The following NRXN1 variants were observed in gnomAD, a reference collection of about 807,000 sequenced individuals.
NRXN1 encodes the protein neurexin 1, also known as neurexin-1.
A neutral mutation model predicts 150.9 loss-of-function variants in NRXN1; 39 were observed. The observed-to-expected ratio is 0.26, with a 90% CI of 0.20 to 0.34. The LOEUF (loss-of-function observed/expected upper bound fraction) is 0.34, where lower values mean the gene tolerates loss of function less well. NRXN1 is among the 10% of genes least tolerant of loss of function. The pLI is 1.00. For missense variants in NRXN1, 1,815 were observed against 1,949.9 expected, an observed-to-expected ratio of 0.93 and a Z score of 1.30; for synonymous variants, 924 against 757.0, an observed-to-expected ratio of 1.22 and a Z score of -3.62.
At chr2:50,727,103 A>G (rs1697457995) in intron 5 of NRXN1, among the ~76,000 whole-genome samples, 1 of 142,838 alleles carries the variant, frequency 7.0e-6, no homozygotes, top group Non-Finnish European at 1.6e-5. Flanking sequence ...TTATAAAAAA[A>G]GGTCTTAAAA....
chr2:50,593,893 TA>T (rs1674702067), intron 8 of NRXN1, among the ~76,000 whole-genome samples: 1 of 152,216 alleles, frequency 6.6e-6, no homozygotes, highest in Non-Finnish European at 1.5e-5. Flanking sequence ...ATACCCTTGA[TA>T]CCTTAGCCTC....
At chr2:50,389,767 A>T (rs1416037527) in intron 17 of NRXN1, among the ~76,000 whole-genome samples, 1 of 152,130 alleles carries the variant, frequency 6.6e-6, no homozygotes, top group Non-Finnish European at 1.5e-5. Context: ...TTGCCAATAT[A>T]CCTATGACCA....
At chr2:50,599,468 G>T (rs1675880643) in intron 8 of NRXN1, among the ~76,000 whole-genome samples, 1 of 152,246 alleles carries the variant, frequency 6.6e-6, no homozygotes, top group East Asian at 1.9e-4. Context: ...CTCTAACAAT[G>T]CCAAATGCAG....
intron 17 of NRXN1, among the ~76,000 whole-genome samples, chr2:50,240,855 A>C (rs1165956740): frequency 1.3e-5 from 2 of 151,712 alleles, no homozygotes; most frequent in East Asian, 3.9e-4. Context: ...TAAATTTTAG[A>C]GAGAATAGGT....
intron 17 of NRXN1, among the ~76,000 whole-genome samples, chr2:50,431,189 C>A (rs2084935277): frequency 6.6e-6 from 1 of 152,178 alleles, no homozygotes; most frequent in South Asian, 2.1e-4. Context: ...TACCCACTGG[C>A]TTCTCCACTT....
intron 21 of NRXN1, among the ~76,000 whole-genome samples, chr2:50,002,830 C>G (rs1223886129): frequency 1.3e-5 from 2 of 151,972 alleles, no homozygotes; most frequent in African/African-American, 2.4e-5. Context: ...TTCTGTTGAC[C>G]TGAAAGTGTT....
At position 50,053,617 on chromosome 2, in the gene NRXN1, A is replaced by T. The variant is rs1208799185; in HGVS notation, c.3809-27T>A. The T allele has an allele frequency of 3.1e-6, 5 of 1,609,324 alleles. No individual in the cohort carries two copies. In the East Asian group the frequency reaches 1.1e-4, roughly 36 times the overall value. On this transcript the variant is annotated intron_variant, in intron 20 of 22. Coordinates refer to ENST00000401669, the MANE Select transcript of NRXN1 (RefSeq NM_001330078.2). ...TGTAAAAATAATATTACATACATGC[A>T]AAAATGTTGATTGTGAACTCTATAT... is the stretch of plus-strand genomic sequence containing the variant.
At chr2:50,459,897 C>T (rs2087984988) in intron 17 of NRXN1, among the ~76,000 whole-genome samples, 1 of 152,054 alleles carries the variant, frequency 6.6e-6, no homozygotes, top group African/African-American at 2.4e-5. Flanking sequence ...CTGATTAAGG[C>T]AGTATCCCCA....
At chr2:50,640,418 T>C (rs1287682583) in intron 5 of NRXN1, among the ~76,000 whole-genome samples, 1 of 152,180 alleles carries the variant, frequency 6.6e-6, no homozygotes, top group Non-Finnish European at 1.5e-5. Context: ...TAAATTTGCA[T>C]ACTGCTTATG....
At chr2:50,636,931 TAA>T (rs1236517606) in intron 5 of NRXN1, among the ~76,000 whole-genome samples, 1 of 152,182 alleles carries the variant, frequency 6.6e-6, no homozygotes, top group Non-Finnish European at 1.5e-5. Flanking sequence ...TTATATACTA[TAA>T]GTCTTAATTT....
At chr2:50,558,825 CGAGGAGGGCGGATCATG>C (rs1467718482) in intron 8 of NRXN1, among the ~76,000 whole-genome samples, 2 of 152,028 alleles carry the variant, frequency 1.3e-5, no homozygotes, top group Non-Finnish European at 2.9e-5. Flanking sequence ...TTTGGGAGGC[CGAGGAGGGCGGATCATG>C]GAGGAGGGCG....
intron 17 of NRXN1, among the ~76,000 whole-genome samples, chr2:50,269,838 G>A (rs940475259): frequency 6.6e-6 from 1 of 152,106 alleles, no homozygotes; most frequent in Non-Finnish European, 1.5e-5. Flanking sequence ...AGGCGGAAAG[G>A]TCTAATTTGG....
chr2:50,120,588 C>T (rs1558920238), intron 18 of NRXN1, among the ~76,000 whole-genome samples: 2 of 152,066 alleles, frequency 1.3e-5, no homozygotes, highest in Admixed American at 6.6e-5. Flanking sequence ...AACATCCATT[C>T]CCACAGTCTT....
chr2:50,271,111 T>C (rs558065813), intron 17 of NRXN1, among the ~76,000 whole-genome samples: 12 of 152,262 alleles, frequency 7.9e-5, no homozygotes, highest in South Asian at 2.1e-4. Flanking sequence ...ATAAGTAATA[T>C]AGTAAAGTAG....
chr2:50,080,089 G>T (rs1434942986), intron 19 of NRXN1, among the ~76,000 whole-genome samples: 1 of 151,968 alleles, frequency 6.6e-6, no homozygotes, highest in South Asian at 2.1e-4. Flanking sequence ...GAATCATCCC[G>T]TTTTCTAGTG....
rs1316002143 is a variant in NRXN1, at chr2:50,818,445, GTTTAA to G, written c.832+103419_832+103423del. On this transcript the variant is annotated intron_variant, in intron 5 of 22. Coordinates refer to ENST00000401669, the MANE Select transcript of NRXN1 (RefSeq NM_001330078.2). ...TTTGTTGATATTATAAATAAAATTG[GTTTAA>G]TTTTTTATTTTTTTATTGTATATAT... Among the ~76,000 whole-genome samples the G allele has an allele frequency of 3.3e-5, 5 of 151,562 alleles. 1 individual carries two copies. Among genetic ancestry groups the G allele is most frequent in the Admixed American group, 3.3e-4 (5 of 15,170 alleles).
intron 21 of NRXN1, 65 bp downstream of exon 21, chr2:50,053,206 G>A (rs915814315): frequency 2.0e-6 from 3 of 1,534,202 alleles, no homozygotes; most frequent in African/African-American, 2.7e-5. Flanking sequence ...AGACGCATAT[G>A]CAGAAAAGCC....
At chr2:50,297,344 A>G (rs2073706357) in intron 17 of NRXN1, among the ~76,000 whole-genome samples, 2 of 152,222 alleles carry the variant, frequency 1.3e-5, no homozygotes, top group African/African-American at 4.8e-5. Flanking sequence ...TATGAATACA[A>G]ATAAGAAGTA....
chr2:50,336,441 A>G (rs1212318023), intron 17 of NRXN1, among the ~76,000 whole-genome samples: 1 of 152,252 alleles, frequency 6.6e-6, no homozygotes, highest in African/African-American at 2.4e-5. Context: ...CATAATTAAG[A>G]GACCATAATT....
Sources: allele counts gnomAD v4.1 joint callset (sites outside exome capture counted in the v4.1 genomes callset), GRCh38; gene constraint gnomAD v4.1.1; transcripts MANE v1.5; gene names NCBI Gene and HGNC (gene_info 2026-07-23, HGNC 2026-07-21).